KLRG1: variants seen among roughly 807,000 people sequenced by gnomAD.
KLRG1 encodes the protein killer cell lectin-like receptor subfamily G member 1.
KLRG1 carries 16 observed loss-of-function variants against 21.8 expected under a neutral mutation model. The observed-to-expected ratio is 0.73, with a 90% CI of 0.50 to 1.11. The LOEUF is 1.11. KLRG1 is among the 50% of genes most tolerant of loss of function. The probability of loss-of-function intolerance (pLI) is 0.00; values close to 1 mark genes in which losing one functional copy is unlikely to be tolerated. For missense variants in KLRG1, 173 were observed against 218.3 expected (o/e 0.79, Z 1.31); for synonymous variants, 69 against 75.9 (o/e 0.91, Z 0.47).
the KLRG1 span, among the ~76,000 whole-genome samples, chr12:9,167,742 T>C: frequency 1.3e-5 from 2 of 152,228 alleles, no homozygotes; most frequent in African/African-American, 4.8e-5. Flanking sequence ...AGCTCTTTTT[T>C]TCCTGAGTGT....
the KLRG1 span, among the ~76,000 whole-genome samples, chr12:9,175,819 G>A: frequency 2.0e-5 from 3 of 151,742 alleles, no homozygotes; most frequent in African/African-American, 7.3e-5. Context: ...AGATGCTGAT[G>A]AGGTTGCAGA....
chr12:9,184,589 G>A, the KLRG1 span, among the ~76,000 whole-genome samples: 1 of 152,234 alleles, frequency 6.6e-6, no homozygotes, highest in African/African-American at 2.4e-5. Context: ...CCACTGCCAT[G>A]CTGCTGGTAC....
intron 1 of KLRG1, among the ~76,000 whole-genome samples, chr12:8,953,314 G>A (rs1443266983): frequency 1.3e-5 from 2 of 152,196 alleles, no homozygotes; most frequent in Non-Finnish European, 2.9e-5. Context: ...GGGCATTTAT[G>A]GATTCAGAAT....
chr12:9,085,994 C>G, the KLRG1 span, among the ~76,000 whole-genome samples: 3,572 of 152,146 alleles, frequency 0.023, 59 homozygotes, highest in Non-Finnish European at 0.037. Context: ...GAGATTGAAT[C>G]AGTAATAAAA....
the KLRG1 span, among the ~76,000 whole-genome samples, chr12:9,040,026 T>G: frequency 6.6e-6 from 1 of 152,026 alleles, no homozygotes; most frequent in Non-Finnish European, 1.5e-5. Flanking sequence ...GGCTAATTAG[T>G]AAAGAAAAAG....
chr12:9,201,128 T>C, the KLRG1 span: 12 of 1,566,132 alleles, frequency 7.7e-6, no homozygotes, highest in Middle Eastern at 1.7e-4. Flanking sequence ...ACTCAAATGA[T>C]TTTGAAGGTG....
chr12:9,028,229 G>T, the KLRG1 span: 1 of 523,146 alleles, frequency 1.9e-6, no homozygotes, highest in Non-Finnish European at 3.4e-6. Context: ...TCGGCTCACT[G>T]CAACCTCTGC....
At chr12:8,996,715 G>A (rs1306093584) in intron 3 of KLRG1, 2 of 152,116 alleles carry the variant, frequency 1.3e-5, no homozygotes, top group African/African-American at 4.8e-5. Flanking sequence ...AAGTGAGGTG[G>A]CAGAATGCAT....
At chr12:9,154,535 C>T in the KLRG1 span, 1 of 1,304,816 alleles carries the variant, frequency 7.7e-7, no homozygotes, top group African/African-American at 1.5e-5. Flanking sequence ...ATTGCCTTCT[C>T]TTTTCCATTA....
chr12:9,097,251 C>T, the KLRG1 span, among the ~76,000 whole-genome samples: 1 of 151,902 alleles, frequency 6.6e-6, no homozygotes, highest in Non-Finnish European at 1.5e-5. Flanking sequence ...CAGTTAAAAT[C>T]CCATTAGAAG....
At chr12:9,210,635 C>T in the KLRG1 span, among the ~76,000 whole-genome samples, 2 of 152,096 alleles carry the variant, frequency 1.3e-5, no homozygotes, top group African/African-American at 4.8e-5. Flanking sequence ...ACCAACCATT[C>T]CTAATTTAAG....
At chr12:9,076,729 G>C in the KLRG1 span, 1 of 1,613,144 alleles carries the variant, frequency 6.2e-7, no homozygotes, top group Non-Finnish European at 8.5e-7. Flanking sequence ...GGATGGGCCA[G>C]GAGAAGGATC....
intron 1 of KLRG1, among the ~76,000 whole-genome samples, chr12:8,968,251 A>C (rs1244491201): frequency 1.4e-5 from 2 of 146,522 alleles, no homozygotes; most frequent in East Asian, 2.0e-4. Flanking sequence ...CAAAAAAAAA[A>C]CCACACTGAA....
At chr12:9,104,377 G>A in the KLRG1 span, 86 of 1,595,210 alleles carry the variant, frequency 5.4e-5, no homozygotes, top group Non-Finnish European at 6.7e-5. Context: ...GTATAGGGAC[G>A]CCTTTCCCAT....
At chr12:9,090,560 G>A in the KLRG1 span, 2 of 1,500,294 alleles carry the variant, frequency 1.3e-6, no homozygotes, top group Non-Finnish European at 9.1e-7. Context: ...AGCATCTTGA[G>A]GAATTGGTTA....
At chr12:9,070,150 T>TA in the KLRG1 span, among the ~76,000 whole-genome samples, 1 of 152,238 alleles carries the variant, frequency 6.6e-6, no homozygotes, top group African/African-American at 2.4e-5. Context: ...TCTTTTAACT[T>TA]CTGTAATACT....
Position 9,010,201 on chromosome 12 carries a change from ATGCTAATGTGAG to A in KLRG1, c.*665_*676del. On this transcript the variant is annotated 3_prime_UTR_variant, in exon 5 of 5. Transcript: ENST00000356986. The stretch of plus-strand genomic sequence containing the variant: ...ACTCCATCTCTAAAAAAAAAAAAAA[ATGCTAATGTGAG>A]AATATAAATTGTGGGAAATGAGTGA... The A allele has an allele frequency of 1.9e-6, 1 of 519,168 alleles. No homozygotes were observed. Among genetic ancestry groups the A allele is most frequent in the Non-Finnish European group, 3.4e-6 (1 of 293,262 alleles). The allele number at this position is 519,168 out of a possible 1,614,324, so 32.2% of individuals were successfully genotyped here. A position where few individuals can be genotyped will look rare whatever the true frequency, so the allele number is the denominator to read the frequency against.
chr12:8,978,692 T>A lies in KLRG1; in HGVS notation c.-155-13514T>A, dbSNP rs770521214. Among the ~76,000 whole-genome samples, 8 of 145,566 alleles carry A rather than the reference T, an allele frequency of 5.5e-5. No individual in the cohort carries two copies. In the East Asian group the frequency reaches 1.6e-3, roughly 29 times the overall value. ...TCTTTCTTTCTTTCTTTCTTTCTTTTTCTTTCTTTTCTCTCTCTCTCTTCT... is the reference window on the plus strand; with the variant it reads ...TCTTTCTTTCTTTCTTTCTTTCTTTATCTTTCTTTTCTCTCTCTCTCTTCT... On this transcript the variant is annotated intron_variant, in intron 1 of 4. Coordinates refer to the KLRG1 transcript ENST00000539240.
the KLRG1 span, among the ~76,000 whole-genome samples, chr12:9,125,969 G>A: frequency 6.6e-6 from 1 of 152,194 alleles, no homozygotes; most frequent in Non-Finnish European, 1.5e-5. Flanking sequence ...TCCTGAGCTT[G>A]TGATCCACCC....
Sources: gnomAD v4.1 joint callset for allele counts (sites outside exome capture counted in the v4.1 genomes callset) on GRCh38, gnomAD v4.1.1 for gene constraint, MANE v1.5 for transcripts, NCBI Gene and HGNC (gene_info 2026-07-23, HGNC 2026-07-21) for gene names.